FOXK1: variants seen among roughly 807,000 people sequenced by gnomAD.
FOXK1 encodes forkhead box K1, also known as forkhead box protein K1.
FOXK1 carries 19 observed loss-of-function variants against 51.9 expected under a neutral mutation model. That is an observed-to-expected ratio of 0.37 (90% CI 0.26 to 0.54). The LOEUF (loss-of-function observed/expected upper bound fraction) is 0.54. FOXK1 is among the 20% of genes least tolerant of loss of function. The pLI is 0.87. For synonymous variants in FOXK1, 537 were observed against 482.6 expected, an observed-to-expected ratio of 1.11 and a Z score of -1.48; for missense variants, 870 against 1,032.7, an observed-to-expected ratio of 0.84 and a Z score of 2.16.
chr7:4,724,117 A>G (rs1267891028), intron 1 of FOXK1, among the ~76,000 whole-genome samples: 1 of 152,206 alleles, frequency 6.6e-6, no homozygotes, highest in Non-Finnish European at 1.5e-5. Flanking sequence ...ATGGCTGCGC[A>G]CCAGGCAGTG....
intron 1 of FOXK1, among the ~76,000 whole-genome samples, chr7:4,689,830 T>C (rs1467443633): frequency 2.0e-5 from 3 of 152,160 alleles, no homozygotes; most frequent in Admixed American, 1.3e-4. Flanking sequence ...TCCTGGGGTT[T>C]TCCCACCCTT....
intron 1 of FOXK1, among the ~76,000 whole-genome samples, chr7:4,699,078 C>T (rs1349272729): frequency 6.6e-6 from 1 of 152,208 alleles, no homozygotes; most frequent in Non-Finnish European, 1.5e-5. Flanking sequence ...GTTTGGCATG[C>T]TGTTGTCCTG....
chr7:4,755,223 G>T lies in FOXK1; in HGVS notation c.904-14G>T. 6.2e-7 allele frequency: 1 copy of T among 1,612,780 alleles called. No individual in the cohort carries two copies. The highest frequency in any genetic ancestry group is 8.5e-7 in the Non-Finnish European group (1 of 1,179,350). On this transcript the variant is annotated splice_polypyrimidine_tract_variant and intron_variant, in intron 3 of 8. Coordinates refer to ENST00000328914, the MANE Select transcript of FOXK1 (RefSeq NM_001037165.2). The surrounding 1 kb of genome is among the most constrained non-coding windows in gnomAD (Gnocchi z 6.6). ...CTTGCTGGAGCTCATCCCGTGAGCC[G>T]TGTTTCTCCGCAGGATGAGTCAAAG...
chr7:4,755,371 C>G lies in FOXK1; in HGVS notation c.1038C>G (p.Asp346Glu). The change falls in exon 4 of 9, where the codon GAC becomes GAG. Residue 346 changes from aspartate to glutamate, a missense_variant. Coordinates refer to ENST00000328914, the MANE Select transcript of FOXK1 (RefSeq NM_001037165.2). The surrounding 1 kb of genome is among the most constrained non-coding windows in gnomAD (Gnocchi z 6.6). ...TKHYPYYRTA[D>E]KGWQNSIRHN... ...ATTACCCCTACTACCGGACGGCCGA[C>G]AAAGGCTGGCAGGTGAAGCCGAGTC... 14 of 1,613,502 alleles carry G rather than the reference C, an allele frequency of 8.7e-6. No individual in the cohort carries two copies. Among genetic ancestry groups the G allele is most frequent in the Non-Finnish European group, 1.2e-5 (14 of 1,179,980 alleles).
At chr7:4,754,929 G>A (rs564537716) in intron 3 of FOXK1, 31 of 567,678 alleles carry the variant, frequency 5.5e-5, no homozygotes, top group South Asian at 1.5e-4. Context: ...GCAGGATGGC[G>A]TTCTCCTTAT....
intron 2 of FOXK1, among the ~76,000 whole-genome samples, chr7:4,744,695 G>A (rs898273867): frequency 5.9e-5 from 9 of 152,352 alleles, no homozygotes; most frequent in Admixed American, 4.6e-4. Flanking sequence ...GCGAGTCCCC[G>A]TCAGGGGGTG....
chr7:4,755,924 C>T lies in FOXK1; in HGVS notation c.1050+541C>T, dbSNP rs1440615310. 6.6e-6 allele frequency among the ~76,000 whole-genome samples: 1 copy of T among 152,166 alleles called. No homozygotes were observed. Among genetic ancestry groups the T allele is most frequent in the Non-Finnish European group, 1.5e-5 (1 of 68,042 alleles). On this transcript the variant is annotated intron_variant, in intron 4 of 8. Coordinates refer to ENST00000328914, the MANE Select transcript of FOXK1 (RefSeq NM_001037165.2). The surrounding 1 kb of genome is among the most constrained non-coding windows in gnomAD (Gnocchi z 6.6). ...ATCTACACCTTGTTAGATTTTTGTGCTTGCTGTGCCTCACAATCCCACGTT... is the reference window on the plus strand; with the variant it reads ...ATCTACACCTTGTTAGATTTTTGTGTTTGCTGTGCCTCACAATCCCACGTT...
intron 7 of FOXK1, 60 bp downstream of exon 7, chr7:4,759,655 G>T (rs1780906054): frequency 6.7e-7 from 1 of 1,492,172 alleles, no homozygotes; most frequent in Non-Finnish European, 8.9e-7. Context: ...CGGCCGGCAA[G>T]TCCCCAAGGC....
At chr7:4,697,102 G>A (rs1163911270) in intron 1 of FOXK1, among the ~76,000 whole-genome samples, 18 of 152,108 alleles carry the variant, frequency 1.2e-4, no homozygotes, top group Admixed American at 1.1e-3. Context: ...CTCCCTTAAG[G>A]TGTGATTCAG....
intron 1 of FOXK1, among the ~76,000 whole-genome samples, chr7:4,704,084 G>A (rs17135035): frequency 0.023 from 3,554 of 152,276 alleles, 119 homozygotes; most frequent in African/African-American, 0.078. Flanking sequence ...TAGCCACACC[G>A]AAAGGGTCTA....
rs1383793621 is a variant in FOXK1 at position 4,723,950 on chromosome 7, C to T, written c.561-16888C>T. 3.3e-5 allele frequency among the ~76,000 whole-genome samples: 5 copies of T among 152,174 alleles called. No homozygotes were observed. The South Asian group carries it at 6.2e-4, about 19-fold the overall frequency. On this transcript the variant is annotated intron_variant, in intron 1 of 8. Coordinates refer to ENST00000328914, the MANE Select transcript of FOXK1 (RefSeq NM_001037165.2). The surrounding 1 kb of genome is among the most constrained non-coding windows in gnomAD (Gnocchi z 4.7). ...CTTCCCAAAGTGCTGGGATTACAGG[C>T]GTGCACCTCTGTGCTCGGCCCATTC...
At position 4,731,950 on chromosome 7, in the gene FOXK1, C is replaced by G. The variant is rs540440760; in HGVS notation, c.561-8888C>G. ...CACGGCATGGAGACCTGAGGCCACA[C>G]GGAGGCCGGGCTGGCCAGGGCGGGG... On this transcript the variant is annotated intron_variant, in intron 1 of 8. Transcript: ENST00000328914. The surrounding 1 kb of genome is among the most constrained non-coding windows in gnomAD (Gnocchi z 5.3). Among the ~76,000 whole-genome samples the G allele has an allele frequency of 6.6e-6, 1 of 152,196 alleles. No individual in the cohort carries two copies. The highest frequency in any genetic ancestry group is 6.5e-5 in the Admixed American group (1 of 15,286).
At chr7:4,721,813 A>T (rs900874322) in intron 1 of FOXK1, among the ~76,000 whole-genome samples, 3 of 148,322 alleles carry the variant, frequency 2.0e-5, no homozygotes, top group South Asian at 4.3e-4. Context: ...CTGGTCTTGA[A>T]CTCCTGACCT....
intron 1 of FOXK1, among the ~76,000 whole-genome samples, chr7:4,728,517 G>A (rs1239911443): frequency 2.6e-5 from 4 of 152,182 alleles, no homozygotes; most frequent in Non-Finnish European, 5.9e-5. Context: ...CACGTGCTGT[G>A]TGTGTACTGA....
Position 4,756,923 on chromosome 7 carries a change from G to A in FOXK1, c.1051-71G>A. The A allele has an allele frequency of 2.0e-6, 3 of 1,534,388 alleles. No homozygotes were observed. The highest frequency in any genetic ancestry group is 2.7e-6 in the Non-Finnish European group (3 of 1,126,656). On this transcript the variant is annotated intron_variant, in intron 4 of 8. Coordinates refer to ENST00000328914, the MANE Select transcript of FOXK1 (RefSeq NM_001037165.2). This position sits in a 1 kb window ranked among gnomAD's most constrained non-coding sequence, Gnocchi z 4.1. ...CCCTCACCCTGGTCCCGCATCTGCT[G>A]CAGATTTGAGGTGGGTGGGACTCAT...
In FOXK1 at chr7:4,747,044, C is replaced by G. The variant is rs1268160272; in HGVS notation, c.746+6021C>G. Among the ~76,000 whole-genome samples, 1 of 152,312 alleles carries G rather than the reference C, an allele frequency of 6.6e-6. No individual in the cohort carries two copies. The highest frequency in any genetic ancestry group is 6.5e-5 in the Admixed American group (1 of 15,298). On this transcript the variant is annotated intron_variant, in intron 2 of 8. Coordinates refer to ENST00000328914, the MANE Select transcript of FOXK1 (RefSeq NM_001037165.2). This position sits in a 1 kb window ranked among gnomAD's most constrained non-coding sequence, Gnocchi z 9.2. ...CTGCCTAGATCCCTTCGAGGGGCAA[C>G]TTTGGCGCTAAAGTGTTGGGAGTTC...
chr7:4,700,641 C>A (rs1381097828), intron 1 of FOXK1, among the ~76,000 whole-genome samples: 1 of 152,054 alleles, frequency 6.6e-6, no homozygotes. Flanking sequence ...CATGGTGAAA[C>A]CCCGTCTCTA....
At chr7:4,725,609 C>T (rs1177640229) in intron 1 of FOXK1, among the ~76,000 whole-genome samples, 1 of 152,266 alleles carries the variant, frequency 6.6e-6, no homozygotes, top group African/African-American at 2.4e-5. Flanking sequence ...GGGCCTCGCC[C>T]ATGCTCCGGG....
chr7:4,691,212 G>C (rs1040118749), intron 1 of FOXK1, among the ~76,000 whole-genome samples: 1 of 152,190 alleles, frequency 6.6e-6, no homozygotes, highest in Non-Finnish European at 1.5e-5. Context: ...GTTTTCCTCG[G>C]ATGCTGTGAA....
Sources: allele counts gnomAD v4.1 joint callset (sites outside exome capture counted in the v4.1 genomes callset), GRCh38; gene constraint gnomAD v4.1.1; non-coding constraint Gnocchi (gnomAD v3.1); transcripts MANE v1.5; gene names NCBI Gene and HGNC (gene_info 2026-07-23, HGNC 2026-07-21).